PEBP4: variants seen among roughly 807,000 people sequenced by gnomAD.
The protein encoded by PEBP4 is phosphatidylethanolamine binding protein 4, also known as phosphatidylethanolamine-binding protein 4.
A neutral mutation model predicts 23.9 loss-of-function variants in PEBP4; 22 were observed. The ratio of observed to expected loss-of-function variants is 0.92; its 90% CI spans 0.66 to 1.31. The LOEUF is 1.31. PEBP4 is among the 40% of genes most tolerant of loss of function. The pLI, the probability that PEBP4 is intolerant of heterozygous loss-of-function variation, is 0.00. For synonymous variants in PEBP4, 112 were observed against 99.3 expected (o/e 1.13, Z -0.76); for missense variants, 324 against 281.7 (o/e 1.15, Z -1.07).
intron 4 of PEBP4, among the ~76,000 whole-genome samples, chr8:22,728,597 TTCCTTCCTTCCTTCCC>T (rs1404958098): frequency 4.4e-5 from 6 of 136,232 alleles, no homozygotes; most frequent in South Asian, 5.0e-4. Context: ...CCTTCCTTCC[TTCCTTCCTTCCTTCCC>T]TTTTTTTGGA....
At chr8:22,864,462 G>A (rs1807843670) in intron 3 of PEBP4, among the ~76,000 whole-genome samples, 1 of 152,170 alleles carries the variant, frequency 6.6e-6, no homozygotes, top group African/African-American at 2.4e-5. Context: ...AGAAGGCTCT[G>A]GTGAAGATAG....
chr8:22,905,592 G>A (rs1189693286), intron 3 of PEBP4, among the ~76,000 whole-genome samples: 1 of 152,156 alleles, frequency 6.6e-6, no homozygotes, highest in Non-Finnish European at 1.5e-5. Flanking sequence ...TTGGTTTTCT[G>A]TCCGCTGTTC....
intron 3 of PEBP4, among the ~76,000 whole-genome samples, chr8:22,912,347 A>G (rs532269734): frequency 6.6e-6 from 1 of 152,366 alleles, no homozygotes; most frequent in Non-Finnish European, 1.5e-5. Context: ...CTACCGGAAC[A>G]GTACCTGGCA....
chr8:22,768,754 TG>T (rs1017036771), intron 4 of PEBP4, among the ~76,000 whole-genome samples: 20 of 152,176 alleles, frequency 1.3e-4, no homozygotes, highest in African/African-American at 4.3e-4. Context: ...GCGGGCTTTT[TG>T]TTGGCCCGCG....
intron 4 of PEBP4, among the ~76,000 whole-genome samples, chr8:22,795,880 CAT>C (rs1806249083): frequency 6.6e-6 from 1 of 152,148 alleles, no homozygotes; most frequent in African/African-American, 2.4e-5. Context: ...AATCAACACA[CAT>C]GGATAAGATT....
chr8:22,936,611 G>T (rs183307841), intron 1 of PEBP4, among the ~76,000 whole-genome samples: 3 of 152,100 alleles, frequency 2.0e-5, no homozygotes, highest in Non-Finnish European at 4.4e-5. Flanking sequence ...TGAAGCCAGC[G>T]TTACTATGAT....
chr8:22,746,999 T>C (rs1199090667), intron 4 of PEBP4, among the ~76,000 whole-genome samples: 1 of 150,516 alleles, frequency 6.6e-6, no homozygotes, highest in Admixed American at 6.7e-5. Flanking sequence ...CTAATTTTTA[T>C]AATTTTAAAA....
rs1804637682 is a variant in PEBP4 at position 22,727,239 on chromosome 8, A to G, written c.358-19T>C. On this transcript the variant is annotated intron_variant, in intron 4 of 6. Coordinates refer to ENST00000256404, the MANE Select transcript of PEBP4 (RefSeq NM_144962.3). ...CGGCGCCCTGAAAGAAGAGACAAGC[A>G]GGGCTGTAGGTTATGTCTTGGGCAC... 14 of 1,612,606 alleles carry G rather than the reference A, an allele frequency of 8.7e-6. No individual in the cohort carries two copies. Among genetic ancestry groups the G allele is most frequent in the Non-Finnish European group, 1.2e-5 (14 of 1,179,538 alleles).
chr8:22,906,655 C>T (rs1002643877), intron 3 of PEBP4, among the ~76,000 whole-genome samples: 5 of 152,254 alleles, frequency 3.3e-5, no homozygotes, highest in African/African-American at 1.2e-4. Flanking sequence ...TCATCCTCAT[C>T]TACCAAATTC....
upstream of PEBP4, among the ~76,000 whole-genome samples, chr8:22,931,899 C>T (rs1482724911): frequency 1.3e-5 from 2 of 152,216 alleles, no homozygotes; most frequent in African/African-American, 4.8e-5. Context: ...CCCTCTGGTA[C>T]CTGGGTCTTA....
At chr8:22,787,862 T>G (rs1806057586) in intron 4 of PEBP4, among the ~76,000 whole-genome samples, 1 of 152,164 alleles carries the variant, frequency 6.6e-6, no homozygotes, top group African/African-American at 2.4e-5. Context: ...GGGTGAAATG[T>G]TTCAGCTCAG....
intron 3 of PEBP4, among the ~76,000 whole-genome samples, chr8:22,860,209 C>CATATATATGTATATATATCTACACAT (rs200272561): frequency 9.4e-6 from 1 of 106,204 alleles, no homozygotes; most frequent in African/African-American, 4.1e-5. Context: ...TATATATACA[C>CATATATATGTATATATATCTACACAT]ATATATGTAT....
intron 4 of PEBP4, among the ~76,000 whole-genome samples, chr8:22,755,549 T>G (rs1805362883): frequency 6.6e-6 from 1 of 152,088 alleles, no homozygotes; most frequent in African/African-American, 2.4e-5. Context: ...TTGGCCAGTC[T>G]GGTCTCAAGC....
At chr8:22,774,879 T>C (rs76642067) in intron 4 of PEBP4, among the ~76,000 whole-genome samples, 6,620 of 152,248 alleles carry the variant, frequency 0.043, 242 homozygotes, top group African/African-American at 0.096. Flanking sequence ...CCCATGGTCT[T>C]CTCGGTCTGT....
intron 4 of PEBP4, among the ~76,000 whole-genome samples, chr8:22,760,376 A>T (rs1260875216): frequency 6.6e-6 from 1 of 152,094 alleles, no homozygotes; most frequent in Admixed American, 6.5e-5. Flanking sequence ...TTAAACGTTT[A>T]TGGGTCTGGT....
intron 4 of PEBP4, among the ~76,000 whole-genome samples, chr8:22,787,903 G>A (rs1806058462): frequency 6.6e-6 from 1 of 152,204 alleles, no homozygotes; most frequent in South Asian, 2.1e-4. Context: ...AGATGAAGGG[G>A]TCGAGGTGAG....
intron 3 of PEBP4, chr8:22,896,376 C>G (rs972030074): frequency 6.6e-6 from 1 of 152,178 alleles, no homozygotes; most frequent in Non-Finnish European, 1.5e-5. Flanking sequence ...TATCCAGGCT[C>G]CAACGTGTTT....
chr8:22,882,301 G>C (rs1179054307), intron 3 of PEBP4, among the ~76,000 whole-genome samples: 1 of 152,228 alleles, frequency 6.6e-6, no homozygotes, highest in African/African-American at 2.4e-5. Context: ...CTCTAGGAAA[G>C]TGTGCGTCAA....
At chr8:22,721,410 C>T (rs1475475079) in intron 6 of PEBP4, among the ~76,000 whole-genome samples, 1 of 152,074 alleles carries the variant, frequency 6.6e-6, no homozygotes, top group African/African-American at 2.4e-5. Flanking sequence ...AAGAGGAATC[C>T]TGGGGAGGGT....
Sources: gnomAD v4.1 joint callset for allele counts (sites outside exome capture counted in the v4.1 genomes callset) on GRCh38, gnomAD v4.1.1 for gene constraint, MANE v1.5 for transcripts, NCBI Gene and HGNC (gene_info 2026-07-23, HGNC 2026-07-21) for gene names.